PTPRN2: variants seen among roughly 807,000 people sequenced by gnomAD.
The protein encoded by PTPRN2 is receptor-type tyrosine-protein phosphatase N2.
PTPRN2 carries 74 observed loss-of-function variants against 118.8 expected under a neutral mutation model. That is an observed-to-expected ratio of 0.62 (90% confidence interval 0.52 to 0.76). The LOEUF (loss-of-function observed/expected upper bound fraction) is 0.76. PTPRN2 is among the 30% of genes least tolerant of loss of function. PTPRN2 has a pLI of 0.00. For missense variants in PTPRN2, 1,481 were observed against 1,394.4 expected, an observed-to-expected ratio of 1.06 and a Z score of -0.99; for synonymous variants, 641 against 608.0, an observed-to-expected ratio of 1.05 and a Z score of -0.80.
chr7:157,965,401 G>A (rs1034069861), intron 11 of PTPRN2, among the ~76,000 whole-genome samples: 3 of 152,146 alleles, frequency 2.0e-5, no homozygotes, highest in Non-Finnish European at 2.9e-5. Context: ...CGACAGCACC[G>A]CAAGCATCTC....
intron 3 of PTPRN2, among the ~76,000 whole-genome samples, chr7:158,258,625 G>T (rs1047977355): frequency 6.6e-6 from 1 of 152,160 alleles, no homozygotes; most frequent in African/African-American, 2.4e-5. Context: ...TCACAGCTTT[G>T]GGGGAGATTT....
At chr7:158,303,037 G>A (rs1359592488) in intron 3 of PTPRN2, among the ~76,000 whole-genome samples, 1 of 151,964 alleles carries the variant, frequency 6.6e-6, no homozygotes, top group Admixed American at 6.6e-5. Context: ...TTTATGTTTT[G>A]GAAAATATAG....
chr7:158,454,698 G>C (rs1818341391), intron 2 of PTPRN2, among the ~76,000 whole-genome samples: 1 of 152,210 alleles, frequency 6.6e-6, no homozygotes, highest in South Asian at 2.1e-4. Context: ...TGTCAGGATT[G>C]GGGATGGTTG....
intron 13 of PTPRN2, among the ~76,000 whole-genome samples, chr7:157,682,188 T>G (rs1439214190): frequency 6.6e-6 from 1 of 152,060 alleles, no homozygotes. Flanking sequence ...TTTCCAGGGG[T>G]GTCTGTGGTG....
chr7:157,602,616 C>T (rs1801743434), intron 16 of PTPRN2, among the ~76,000 whole-genome samples: 1 of 152,068 alleles, frequency 6.6e-6, no homozygotes, highest in Non-Finnish European at 1.5e-5. Flanking sequence ...GAGCTGAGAG[C>T]TGAGCGCCAT....
intron 9 of PTPRN2, 142 bp from the exon 10 acceptor site, chr7:158,111,057 G>C: frequency 1.5e-6 from 1 of 684,364 alleles, no homozygotes; most frequent in East Asian, 2.8e-5. Flanking sequence ...GCCCCCTCAG[G>C]CACAAGGAGT....
rs535865387 is a variant in PTPRN2 at position 158,262,843 on chromosome 7, CACAT to C, written c.277+53972_277+53975del. Among the ~76,000 whole-genome samples, 311 of 147,322 alleles carry C rather than the reference CACAT, an allele frequency of 2.1e-3. 2 individuals carry two copies. The highest frequency in any genetic ancestry group is 5.2e-3 in the African/African-American group (204 of 39,506). ...ACTGCACACATTCACACACTACACACACATACATACATTCACACACATTCACACA... is the reference window on the plus strand; with the variant it reads ...ACTGCACACATTCACACACTACACACACATACATTCACACACATTCACACA... On this transcript the variant is annotated intron_variant, in intron 3 of 22. Coordinates refer to ENST00000389418, the MANE Select transcript of PTPRN2 (RefSeq NM_002847.5).
chr7:158,004,142 T>G (rs997886808), intron 11 of PTPRN2, among the ~76,000 whole-genome samples: 3 of 144,354 alleles, frequency 2.1e-5, no homozygotes, highest in African/African-American at 7.7e-5. Flanking sequence ...AGTGCCCAAT[T>G]TGGGAGTAAA....
At chr7:158,249,937 A>AT (rs1334611568) in intron 3 of PTPRN2, among the ~76,000 whole-genome samples, 1 of 152,142 alleles carries the variant, frequency 6.6e-6, no homozygotes. Context: ...TCTGAGTGTA[A>AT]TGCAAGTGAG....
chr7:158,385,288 C>T (rs1395395824), intron 2 of PTPRN2, among the ~76,000 whole-genome samples: 1 of 125,074 alleles, frequency 8.0e-6, no homozygotes, highest in Non-Finnish European at 1.6e-5. Context: ...CCAATTAAGG[C>T]AAGAAAGACA....
chr7:157,748,042 GGC>G (rs1801122005), intron 12 of PTPRN2, among the ~76,000 whole-genome samples: 3 of 133,546 alleles, frequency 2.2e-5, no homozygotes, highest in African/African-American at 8.5e-5. Context: ...CTGAGCTCTG[GGC>G]TGTCCGGGTG....
At chr7:158,536,315 G>A (rs904524289) in intron 1 of PTPRN2, among the ~76,000 whole-genome samples, 3 of 152,184 alleles carry the variant, frequency 2.0e-5, no homozygotes, top group African/African-American at 7.2e-5. Flanking sequence ...ACTTGATGAT[G>A]TTTTCAAGAA....
intron 11 of PTPRN2, among the ~76,000 whole-genome samples, chr7:157,905,173 T>A (rs1273215717): frequency 6.6e-6 from 1 of 152,226 alleles, no homozygotes; most frequent in Non-Finnish European, 1.5e-5. Context: ...TCCTTTTAAG[T>A]CTAAAGTAAA....
intron 1 of PTPRN2, among the ~76,000 whole-genome samples, chr7:158,524,436 C>T (rs1167121373): frequency 1.4e-5 from 2 of 138,010 alleles, no homozygotes; most frequent in African/African-American, 6.0e-5. Context: ...GGAGTGGAGT[C>T]GTCTACCCTG....
At chr7:158,554,356 AT>A (rs1267526654) in intron 1 of PTPRN2, among the ~76,000 whole-genome samples, 4 of 152,220 alleles carry the variant, frequency 2.6e-5, no homozygotes. Context: ...CCAGGAGACA[AT>A]TGGTTGGTTG....
At chr7:158,575,218 T>A (rs894123291) in intron 1 of PTPRN2, among the ~76,000 whole-genome samples, 1 of 152,236 alleles carries the variant, frequency 6.6e-6, no homozygotes, top group Non-Finnish European at 1.5e-5. Context: ...CCTGTAACAA[T>A]CTGGGACATT....
At chr7:158,481,650 G>T (rs1357442055) in intron 2 of PTPRN2, among the ~76,000 whole-genome samples, 1 of 152,152 alleles carries the variant, frequency 6.6e-6, no homozygotes. Context: ...TTTTAGTAGA[G>T]ACAGGGTTTC....
intron 2 of PTPRN2, among the ~76,000 whole-genome samples, chr7:158,387,014 C>A (rs1460973063): frequency 6.6e-6 from 1 of 152,128 alleles, no homozygotes; most frequent in Non-Finnish European, 1.5e-5. Flanking sequence ...GGCTTCTCAC[C>A]CTCTGGGATC....
chr7:158,001,289 G>A (rs1167915098), intron 11 of PTPRN2, among the ~76,000 whole-genome samples: 1 of 151,918 alleles, frequency 6.6e-6, no homozygotes, highest in East Asian at 1.9e-4. Context: ...AGAGAGCAGA[G>A]GGCCTTCTCC....
Sources: gnomAD v4.1 joint callset for allele counts (sites outside exome capture counted in the v4.1 genomes callset) on GRCh38, gnomAD v4.1.1 for gene constraint, MANE v1.5 for transcripts, NCBI Gene and HGNC (gene_info 2026-07-23, HGNC 2026-07-21) for gene names.